Variants in WDPCP observed in about 807,000 individuals in gnomAD.
WDPCP encodes WD repeat containing planar cell polarity effector.
A neutral mutation model predicts 93.1 loss-of-function variants in WDPCP; 71 were observed. That is an observed-to-expected ratio of 0.76 (90% CI 0.63 to 0.93). WDPCP has a LOEUF of 0.93. WDPCP is among the 40% of genes least tolerant of loss of function. WDPCP has a pLI of 0.00. For missense variants in WDPCP, 844 were observed against 887.4 expected, an observed-to-expected ratio of 0.95 and a Z score of 0.62; for synonymous variants, 315 against 315.0, an observed-to-expected ratio of 1.00 and a Z score of 0.00.
intron 2 of WDPCP, among the ~76,000 whole-genome samples, chr2:63,705,099 G>A (rs1669128258): frequency 6.6e-6 from 1 of 152,174 alleles, no homozygotes; most frequent in African/African-American, 2.4e-5. Flanking sequence ...GGTGTTTATA[G>A]TATTCTCTGA....
intron 3 of WDPCP, among the ~76,000 whole-genome samples, chr2:63,620,207 G>A (rs1709721148): frequency 1.3e-5 from 2 of 152,290 alleles, no homozygotes; most frequent in East Asian, 3.9e-4. Flanking sequence ...GCTAAAGCCA[G>A]GGAGCCAACT....
chr2:63,695,828 A>G (rs1668953648), intron 2 of WDPCP, among the ~76,000 whole-genome samples: 2 of 152,154 alleles, frequency 1.3e-5, no homozygotes, highest in Admixed American at 6.6e-5. Context: ...CACTAAGGGT[A>G]ATCATTATCC....
intron 2 of WDPCP, among the ~76,000 whole-genome samples, chr2:63,759,462 G>A (rs984868170): frequency 3.3e-5 from 5 of 152,076 alleles, no homozygotes; most frequent in African/African-American, 1.2e-4. Context: ...TGCAGGGCTT[G>A]GTACAAAACA....
chr2:63,640,605 G>C (rs1277931108), intron 3 of WDPCP, among the ~76,000 whole-genome samples: 2 of 152,252 alleles, frequency 1.3e-5, no homozygotes, highest in South Asian at 2.1e-4. Flanking sequence ...TGAATAATTG[G>C]TTTAACATAT....
chr2:63,234,233 G>C (rs1035541484), intron 14 of WDPCP, among the ~76,000 whole-genome samples: 1 of 152,092 alleles, frequency 6.6e-6, no homozygotes, highest in East Asian at 1.9e-4. Flanking sequence ...GAGTTTCATC[G>C]AAAAGAATAA....
chr2:63,362,099 T>A (rs143505594), intron 12 of WDPCP, among the ~76,000 whole-genome samples: 2 of 152,268 alleles, frequency 1.3e-5, no homozygotes, highest in African/African-American at 4.8e-5. Context: ...TAGCTATTAA[T>A]TATTTTGAAA....
At chr2:63,296,551 G>A (rs765385777) in intron 13 of WDPCP, among the ~76,000 whole-genome samples, 1 of 152,104 alleles carries the variant, frequency 6.6e-6, no homozygotes, top group Non-Finnish European at 1.5e-5. Flanking sequence ...AAATCCTAAA[G>A]ACTCCTCCAA....
intron 2 of WDPCP, among the ~76,000 whole-genome samples, chr2:63,790,000 C>T (rs140757712): frequency 6.6e-6 from 1 of 152,146 alleles, no homozygotes; most frequent in Non-Finnish European, 1.5e-5. Context: ...ACTATTTCCA[C>T]CCTAAAATAA....
At chr2:63,661,122 C>T (rs1443523017) in intron 2 of WDPCP, among the ~76,000 whole-genome samples, 1 of 152,172 alleles carries the variant, frequency 6.6e-6, no homozygotes, top group East Asian at 1.9e-4. Context: ...AAACAACACA[C>T]AATTATTATC....
chr2:63,574,906 G>C (rs572027005), intron 1 of WDPCP, among the ~76,000 whole-genome samples: 46 of 152,150 alleles, frequency 3.0e-4, no homozygotes, highest in Non-Finnish European at 6.2e-4. Context: ...AGTTTTGCCA[G>C]TTTTGCATTC....
intron 10 of WDPCP, among the ~76,000 whole-genome samples, chr2:63,398,432 C>T (rs1433292957): frequency 6.6e-6 from 1 of 152,160 alleles, no homozygotes; most frequent in Non-Finnish European, 1.5e-5. Flanking sequence ...CATGTAATGA[C>T]ACTTCTAATT....
At chr2:63,212,076 C>T (rs745517016) in intron 14 of WDPCP, among the ~76,000 whole-genome samples, 16 of 152,170 alleles carry the variant, frequency 1.1e-4, no homozygotes, top group Non-Finnish European at 2.4e-4. Context: ...ACTTCTCCAG[C>T]TAGCAAGGCA....
chr2:63,381,690 C>T (rs1004210613), intron 11 of WDPCP, among the ~76,000 whole-genome samples: 2 of 152,118 alleles, frequency 1.3e-5, no homozygotes, highest in Admixed American at 1.3e-4. Flanking sequence ...TAAGCATATA[C>T]AGAAAAGCTG....
intron 14 of WDPCP, among the ~76,000 whole-genome samples, chr2:63,244,333 C>T (rs1680098131): frequency 6.6e-6 from 1 of 151,908 alleles, no homozygotes. Flanking sequence ...AAAAAACTAA[C>T]CCCAAAGATA....
In WDPCP at chr2:63,168,169, A is replaced by G. The variant is rs141360077; in HGVS notation, c.2078+6501T>C. Among the ~76,000 whole-genome samples, 829 of 149,488 alleles carry G rather than the reference A, an allele frequency of 5.5e-3. 7 individuals carry two copies. Among genetic ancestry groups the G allele is most frequent in the Middle Eastern group, 7.0e-3 (2 of 284 alleles). ...AATCTCCTATTATTCATATCTCTCTATATCTCCTTGCATCTTTTATAGATT... is the reference window on the plus strand; with the variant it reads ...AATCTCCTATTATTCATATCTCTCTGTATCTCCTTGCATCTTTTATAGATT... On this transcript the variant is annotated intron_variant, in intron 15 of 17. Transcript: ENST00000272321.
chr2:63,677,974 T>A (rs531749767), intron 2 of WDPCP, among the ~76,000 whole-genome samples: 2 of 152,364 alleles, frequency 1.3e-5, no homozygotes, highest in African/African-American at 4.8e-5. Context: ...TATTCTCATA[T>A]AAGATATATC....
intron 12 of WDPCP, among the ~76,000 whole-genome samples, chr2:63,376,346 TG>T (rs1691851828): frequency 6.6e-6 from 1 of 151,876 alleles, no homozygotes; most frequent in African/African-American, 2.4e-5. Context: ...ATAATAATTT[TG>T]ATAACAATAA....
chr2:63,619,376 G>A (rs1221084336), intron 3 of WDPCP, among the ~76,000 whole-genome samples: 1 of 152,150 alleles, frequency 6.6e-6, no homozygotes. Context: ...TACCCTTGAT[G>A]ACTTGATTCA....
rs76568573 is a variant in WDPCP at position 63,731,626 on chromosome 2, A to G, written n.309-80788T>C. On this transcript the variant is annotated intron_variant and non_coding_transcript_variant, in intron 2 of 4. Coordinates refer to the WDPCP transcript ENST00000467687. Reference sequence around the variant, plus strand: ...AAGTAGCTAATGGATTAATATAAAAATAAATATTTTAAAAATCGTATTTAA... The same window carrying G: ...AAGTAGCTAATGGATTAATATAAAAGTAAATATTTTAAAAATCGTATTTAA... Among the ~76,000 whole-genome samples, 1,060 of 152,358 alleles carry G rather than the reference A, an allele frequency of 7.0e-3. 16 individuals are homozygous for G. Among genetic ancestry groups the G allele is most frequent in the African/African-American group, 0.024 (1,013 of 41,584 alleles).
Sources: allele counts gnomAD v4.1 joint callset (sites outside exome capture counted in the v4.1 genomes callset), GRCh38; gene constraint gnomAD v4.1.1; transcripts MANE v1.5; gene names NCBI Gene and HGNC (gene_info 2026-07-23, HGNC 2026-07-21).